The following SPOPL variants were observed in gnomAD, a reference collection of about 807,000 sequenced individuals.
The protein encoded by SPOPL is speckle type BTB/POZ protein like, also known as speckle-type POZ protein-like.
Under a neutral mutation model 53.8 loss-of-function variants are expected in SPOPL, and 23 were observed. The ratio of observed to expected loss-of-function variants is 0.43; its 90% CI spans 0.31 to 0.61. SPOPL has a LOEUF of 0.61. Ranked by LOEUF, SPOPL falls within the 20% of genes least tolerant of loss-of-function variation. The probability of loss-of-function intolerance (pLI) is 0.12; values close to 1 mark genes in which losing one functional copy is unlikely to be tolerated. For synonymous variants in SPOPL, 164 were observed against 149.7 expected (o/e 1.10, Z -0.70); for missense variants, 442 against 466.9 (o/e 0.95, Z 0.49).
At chr2:138,554,461 AGAG>A in intron 5 of SPOPL, 2 of 1,274,042 alleles carry the variant, frequency 1.6e-6, no homozygotes, top group Non-Finnish European at 2.1e-6. Flanking sequence ...TGCTTGCAGA[AGAG>A]GAGGAAGCAT....
intron 1 of SPOPL, among the ~76,000 whole-genome samples, chr2:138,509,193 C>T (rs183415457): frequency 6.6e-6 from 1 of 152,230 alleles, no homozygotes; most frequent in African/African-American, 2.4e-5. Flanking sequence ...TGAAGATACT[C>T]ATCTCTGCAA....
At chr2:138,554,395 C>A in intron 5 of SPOPL, 2 of 1,123,072 alleles carry the variant, frequency 1.8e-6, no homozygotes, top group Non-Finnish European at 1.2e-6. Flanking sequence ...TCATGCCCTC[C>A]ACTGTTTGTT....
chr2:138,520,374 T>A (rs904359579), intron 1 of SPOPL, among the ~76,000 whole-genome samples: 15 of 152,186 alleles, frequency 9.9e-5, no homozygotes, highest in African/African-American at 3.4e-4. Context: ...TCCTGTTCCT[T>A]TTATCGTGTT....
intron 1 of SPOPL, among the ~76,000 whole-genome samples, chr2:138,545,541 C>G (rs1039631397): frequency 6.6e-6 from 1 of 151,950 alleles, no homozygotes; most frequent in Non-Finnish European, 1.5e-5. Context: ...TCACGCCATT[C>G]TCCTGCCTCA....
intron 1 of SPOPL, among the ~76,000 whole-genome samples, chr2:138,522,100 A>G (rs1254596688): frequency 1.3e-5 from 2 of 152,208 alleles, no homozygotes; most frequent in Non-Finnish European, 2.9e-5. Context: ...ATTGAAGCCC[A>G]GCATTTTGTT....
chr2:138,545,661 G>C (rs181650707), intron 1 of SPOPL, among the ~76,000 whole-genome samples: 1 of 151,688 alleles, frequency 6.6e-6, no homozygotes, highest in Non-Finnish European at 1.5e-5. Context: ...GGATGGTCTC[G>C]ATCTTCTGAC....
chr2:138,532,967 A>T (rs1369449111), intron 1 of SPOPL, among the ~76,000 whole-genome samples: 1 of 152,128 alleles, frequency 6.6e-6, no homozygotes, highest in Non-Finnish European at 1.5e-5. Context: ...GGTAGCCTCT[A>T]AGTACTTTTT....
intron 8 of SPOPL, among the ~76,000 whole-genome samples, chr2:138,563,952 A>G (rs1017126855): frequency 3.3e-5 from 5 of 152,268 alleles, no homozygotes; most frequent in East Asian, 3.9e-4. Flanking sequence ...TTGATAGGCA[A>G]TAACATTCAT....
intron 1 of SPOPL, among the ~76,000 whole-genome samples, chr2:138,528,043 T>C (rs1401135179): frequency 6.6e-6 from 1 of 152,248 alleles, no homozygotes; most frequent in Non-Finnish European, 1.5e-5. Context: ...TCATTCCTAA[T>C]GTCTGCTATG....
chr2:138,529,535 T>TGCGCGC (rs1553469117), intron 1 of SPOPL, among the ~76,000 whole-genome samples: 7,903 of 103,254 alleles, frequency 0.077, 246 homozygotes, highest in Middle Eastern at 0.12. Context: ...TGTGTGTGTG[T>TGCGCGC]TTGCGTGCGC....
At chr2:138,565,042 TTAAG>T (rs1558882555) in intron 10 of SPOPL, 49 bp downstream of exon 10, 2 of 1,603,874 alleles carry the variant, frequency 1.2e-6, no homozygotes, top group Non-Finnish European at 8.5e-7. Flanking sequence ...ATAAGTGAGA[TTAAG>T]TGTTTGCATA....
At chr2:138,503,257 T>A (rs546048229) in intron 1 of SPOPL, among the ~76,000 whole-genome samples, 1 of 152,386 alleles carries the variant, frequency 6.6e-6, no homozygotes, top group South Asian at 2.1e-4. Context: ...CTCTGCCATC[T>A]ACCAGCTTTG....
chr2:138,566,650 T>C (rs1685664764), intron 10 of SPOPL, among the ~76,000 whole-genome samples: 2 of 152,184 alleles, frequency 1.3e-5, no homozygotes, highest in Non-Finnish European at 2.9e-5. Context: ...CTTAAAAAAT[T>C]GTTTTGTTGG....
At chr2:138,506,573 G>A (rs2104852475) in intron 1 of SPOPL, among the ~76,000 whole-genome samples, 1 of 152,278 alleles carries the variant, frequency 6.6e-6, no homozygotes, top group East Asian at 1.9e-4. Flanking sequence ...GGGTCCTGGG[G>A]AGAGGAAAAG....
intron 7 of SPOPL, 94 bp downstream of exon 7, chr2:138,559,431 A>C (rs1685498562): frequency 1.5e-6 from 2 of 1,304,144 alleles, no homozygotes; most frequent in Non-Finnish European, 2.1e-6. Context: ...TCTCATTGTC[A>C]TACTGTGATA....
At chr2:138,511,383 T>G (rs1684320082) in intron 1 of SPOPL, among the ~76,000 whole-genome samples, 1 of 152,224 alleles carries the variant, frequency 6.6e-6, no homozygotes, top group Non-Finnish European at 1.5e-5. Context: ...CCTGAGAAAC[T>G]GACAGCTTTC....
chr2:138,543,915 C>T (rs1034064900), intron 1 of SPOPL, among the ~76,000 whole-genome samples: 47 of 152,062 alleles, frequency 3.1e-4, no homozygotes, highest in Admixed American at 2.5e-3. Flanking sequence ...GGGTTTTTGG[C>T]GTGGATGTCC....
At chr2:138,536,071 C>A (rs975524719) in intron 1 of SPOPL, among the ~76,000 whole-genome samples, 3 of 151,926 alleles carry the variant, frequency 2.0e-5, no homozygotes, top group African/African-American at 7.3e-5. Context: ...TCCTTTAGTT[C>A]TTTACACATA....
chr2:138,509,979 T>C (rs1684293838), intron 1 of SPOPL, among the ~76,000 whole-genome samples: 1 of 152,218 alleles, frequency 6.6e-6, no homozygotes, highest in African/African-American at 2.4e-5. Flanking sequence ...CCAAAGTGTG[T>C]AGCCTTTTCA....
Sources: allele counts gnomAD v4.1 joint callset (sites outside exome capture counted in the v4.1 genomes callset), GRCh38; gene constraint gnomAD v4.1.1; transcripts MANE v1.5; gene names NCBI Gene and HGNC (gene_info 2026-07-23, HGNC 2026-07-21).